PLEKHG4: variants seen among roughly 807,000 people sequenced by gnomAD.
The protein encoded by PLEKHG4 is pleckstrin homology and RhoGEF domain containing G4.
In PLEKHG4, 85 loss-of-function variants were observed where a neutral mutation model predicts 136.9. The observed-to-expected ratio is 0.62, with a 90% confidence interval of 0.52 to 0.74. PLEKHG4 has a LOEUF of 0.74. PLEKHG4 is among the 30% of genes least tolerant of loss of function. The pLI, the probability that PLEKHG4 is intolerant of heterozygous loss-of-function variation, is 0.00. For missense variants in PLEKHG4, 1,317 were observed against 1,527.8 expected (o/e 0.86, Z 2.30); for synonymous variants, 577 against 646.9 (o/e 0.89, Z 1.64).
rs2036391519 is a variant in PLEKHG4, at chr16:67,284,852, C to T, written c.1832C>T (p.Ala611Val). ...LPPAHFRKMW[A>V]LATGLGSEAI... ...CCTGCCCACTTCCGAAAGATGTGGGCTCTGGCCACGGGGCTGGGCTCAGAG... is the reference window on the plus strand; with the variant it reads ...CCTGCCCACTTCCGAAAGATGTGGGTTCTGGCCACGGGGCTGGGCTCAGAG... The change falls in exon 13 of 22, where the codon GCT becomes GTT. Residue 611 changes from alanine to valine, a missense_variant. Ala to Val is a moderately conservative substitution (Grantham distance 64). Transcript: ENST00000379344. The surrounding 1 kb of genome is among the most constrained non-coding windows in gnomAD (Gnocchi z 4.4). 1.9e-6 allele frequency: 3 copies of T among 1,613,018 alleles called. No individual in the cohort carries two copies. Among genetic ancestry groups the T allele is most frequent in the African/African-American group, 2.7e-5 (2 of 74,916 alleles).
Position 67,279,965 on chromosome 16 carries a change from C to T in PLEKHG4, c.-80C>T. On this transcript the variant is annotated 5_prime_UTR_variant, in exon 2 of 22. Transcript: ENST00000379344. Reference sequence around the variant, plus strand: ...CCTGCATTGCCCACTGAGTCCCACTCGACTGTCTTCAGCGCGGTTCACACT... The same window carrying T: ...CCTGCATTGCCCACTGAGTCCCACTTGACTGTCTTCAGCGCGGTTCACACT... 1.4e-6 allele frequency: 2 copies of T among 1,449,182 alleles called. No individual in the cohort carries two copies. Among genetic ancestry groups the T allele is most frequent in the Non-Finnish European group, 1.9e-6 (2 of 1,062,960 alleles). The allele number at this position is 1,449,182 out of a possible 1,614,324, so 89.8% of individuals were successfully genotyped here.
chr16:67,284,375 A>G lies in PLEKHG4; in HGVS notation c.1610A>G (p.Gln537Arg), dbSNP rs2036364579. 1 of 1,613,972 alleles carries G rather than the reference A, an allele frequency of 6.2e-7. No homozygotes were observed. Among genetic ancestry groups the G allele is most frequent in the South Asian group, 1.1e-5 (1 of 91,086 alleles). ...GCACGCTTTCTGGCCCTGCGAGCCC[A>G]GCTGACTGAATTCTCTAGGGCTTTG... ...PGARFLALRAQLTEFSRALAQ... is the reference protein window; with the variant it reads ...PGARFLALRARLTEFSRALAQ... Residue 537 changes from glutamine to arginine, a missense_variant, in exon 12 of 22, where the codon CAG (glutamine) becomes CGG (arginine). By Grantham distance (43) the Gln-to-Arg change is conservative (BLOSUM62 1). Transcript: ENST00000379344. This position sits in a 1 kb window ranked among gnomAD's most constrained non-coding sequence, Gnocchi z 4.4.
rs1404817255 is a variant in PLEKHG4 at position 67,282,775 on chromosome 16, G to A, written c.1426G>A (p.Ala476Thr). ...GTGGCTGCAGCAGGTGGGCTGGCCA[G>A]CACTGGAGGAGGCTGGGGAGCCCTC... ...EVWLQQVGWPALEEAGEPSLD... is the reference protein window; with the variant it reads ...EVWLQQVGWPTLEEAGEPSLD... Residue 476 changes from alanine to threonine, a missense_variant, in exon 11 of 22, where the codon GCA (alanine) becomes ACA (threonine). Transcript: ENST00000379344. The A allele has an allele frequency of 6.2e-7, 1 of 1,613,440 alleles. No homozygotes were observed. Among genetic ancestry groups the A allele is most frequent in the African/African-American group, 1.3e-5 (1 of 74,930 alleles).
Position 67,280,598 on chromosome 16 carries a change from A to G in PLEKHG4, c.499+55A>G, listed in dbSNP as rs2036166699. 3 of 1,612,762 alleles carry G rather than the reference A, an allele frequency of 1.9e-6. No homozygotes were observed. Among genetic ancestry groups the G allele is most frequent in the Non-Finnish European group, 2.5e-6 (3 of 1,179,416 alleles). On this transcript the variant is annotated intron_variant, in intron 2 of 21. Transcript: ENST00000379344. The surrounding 1 kb of genome is among the most constrained non-coding windows in gnomAD (Gnocchi z 4.4). ...GAAGGGAATGGGGATGCCTGGAGAG[A>G]TGAGTGTCAAGACTTTGGAGGTCTC...
rs1223062353 is a variant in PLEKHG4 at position 67,281,164 on chromosome 16, T to C, written c.793T>C (p.Ser265Pro). The change falls in exon 5 of 22, where the codon TCT becomes CCT. Residue 265 changes from serine (S) to proline (P), a missense_variant. Transcript: ENST00000379344. ...TTGTGCTCCAAGTTCTTCCCTCTTC[T>C]CTGGGCTCAGCCAACTACAAGTGAG... is the stretch of plus-strand genomic sequence containing the variant. ...RICAPSSSLF[S>P]GLSQLQEAAP... 1 of 1,613,304 alleles carries C rather than the reference T, an allele frequency of 6.2e-7. No homozygotes were observed.
intron 11 of PLEKHG4, 46 bp downstream of exon 11, chr16:67,282,904 C>A (rs1172144712): frequency 1.5e-6 from 2 of 1,330,002 alleles, no homozygotes; most frequent in Non-Finnish European, 2.2e-6. Flanking sequence ...GGATGCAATG[C>A]CAGGAACTAG....
In PLEKHG4 at chr16:67,284,226, G is replaced by T; in HGVS notation, c.1510-49G>T. 6.4e-7 allele frequency: 1 copy of T among 1,551,918 alleles called. No individual in the cohort carries two copies. Among genetic ancestry groups the T allele is most frequent in the Non-Finnish European group, 8.9e-7 (1 of 1,129,162 alleles). On this transcript the variant is annotated intron_variant, in intron 11 of 21. Transcript: ENST00000379344. The surrounding 1 kb of genome is among the most constrained non-coding windows in gnomAD (Gnocchi z 4.4). ...CAGCAGGAAGTATCTGAGTCTGGGG[G>T]CTAGACCGCCAGGCCTGGGCTGGCT... is the stretch of plus-strand genomic sequence containing the variant.
chr16:67,281,668 G>A lies in PLEKHG4; in HGVS notation c.891+24G>A, dbSNP rs376770123. ...AGGTACTAAGCCCAGTTGGCTAGGGGTAGAGGTGGGGTGCCTCCCCCCAGG... is the reference window on the plus strand; with the variant it reads ...AGGTACTAAGCCCAGTTGGCTAGGGATAGAGGTGGGGTGCCTCCCCCCAGG... On this transcript the variant is annotated intron_variant, in intron 6 of 21. Coordinates refer to ENST00000379344, the MANE Select transcript of PLEKHG4 (RefSeq NM_001129729.3). The A allele has an allele frequency of 4.3e-5, 69 of 1,613,318 alleles. No individual in the cohort carries two copies. The Admixed American group carries it at 4.3e-4, about 10-fold the overall frequency.
chr16:67,284,376 G>A lies in PLEKHG4; in HGVS notation c.1611G>A (p.Gln537=). ...CACGCTTTCTGGCCCTGCGAGCCCA[G>A]CTGACTGAATTCTCTAGGGCTTTGG... is the stretch of plus-strand genomic sequence containing the variant. ...PGARFLALRA[Q]LTEFSRALAQ... The change falls in exon 12 of 22, where the codon CAG becomes CAA. Residue 537 remains glutamine (Q), a synonymous_variant. Coordinates refer to ENST00000379344, the MANE Select transcript of PLEKHG4 (RefSeq NM_001129729.3). The surrounding 1 kb of genome is among the most constrained non-coding windows in gnomAD (Gnocchi z 4.4). The A allele has an allele frequency of 1.2e-6, 2 of 1,614,070 alleles. No individual in the cohort carries two copies. Among genetic ancestry groups the A allele is most frequent in the Non-Finnish European group, 1.7e-6 (2 of 1,179,996 alleles).
At position 67,284,526 on chromosome 16, in the gene PLEKHG4, G is replaced by C. The variant is rs983272667; in HGVS notation, c.1692+69G>C. 4 of 1,557,566 alleles carry C rather than the reference G, an allele frequency of 2.6e-6. No homozygotes were observed. The highest frequency in any genetic ancestry group is 3.5e-6 in the Non-Finnish European group (4 of 1,132,682). ...AGGGATGGCAGCCCCAGCTTCAGCA[G>C]AGCCTGAGCTTTTCTTGGTCATGCT... On this transcript the variant is annotated intron_variant, in intron 12 of 21. Transcript: ENST00000379344. The surrounding 1 kb of genome is among the most constrained non-coding windows in gnomAD (Gnocchi z 4.4).
In PLEKHG4 at chr16:67,286,629, A is replaced by G. The variant is rs374804199; in HGVS notation, c.2717A>G (p.Asn906Ser). 1.9e-6 allele frequency: 3 copies of G among 1,565,608 alleles called. No individual in the cohort carries two copies. The African/African-American group carries it at 4.1e-5, about 21-fold the overall frequency. Reference sequence around the variant, plus strand: ...GTGCACTTCCAGCTGCGGCACGGAAACGACCTGCTGGCCATGGACGCCATC... The same window carrying G: ...GTGCACTTCCAGCTGCGGCACGGAAGCGACCTGCTGGCCATGGACGCCATC... The part of the protein sequence containing the change: ...SLVHFQLRHG[N>S]DLLAMDAIQG... Residue 906 changes from asparagine to serine, a missense_variant, in exon 16 of 22, where the codon AAC becomes AGC. Physicochemically the swap from Asn to Ser is conservative, Grantham distance 46. Coordinates refer to ENST00000379344, the MANE Select transcript of PLEKHG4 (RefSeq NM_001129729.3).
At position 67,284,339 on chromosome 16, in the gene PLEKHG4, A is replaced by G. The variant is rs8044843; in HGVS notation, c.1574A>G (p.Asp525Gly). 220,694 of 1,613,146 alleles carry G rather than the reference A, an allele frequency of 0.14. 26,330 individuals carry two copies. The highest frequency in any genetic ancestry group is 0.64 in the African/African-American group (48,013 of 74,894). The change falls in exon 12 of 22, where the codon GAC becomes GGC. Residue 525 changes from aspartate to glycine, a missense_variant. Physicochemically the swap from Asp to Gly is moderately conservative, Grantham distance 94 (BLOSUM62 -1). Transcript: ENST00000379344. This position sits in a 1 kb window ranked among gnomAD's most constrained non-coding sequence, Gnocchi z 4.4. ...PLTGWEAAEL[D>G]PPGARFLALR... ...ACTGGCTGGGAGGCGGCTGAACTGG[A>G]CCCCCCTGGGGCACGCTTTCTGGCC...
At position 67,284,757 on chromosome 16, in the gene PLEKHG4, G is replaced by A; in HGVS notation, c.1737G>A (p.Leu579=). Residue 579 remains leucine (L), a synonymous_variant, in exon 13 of 22, where the codon CTG becomes CTA. Transcript: ENST00000379344. The surrounding 1 kb of genome is among the most constrained non-coding windows in gnomAD (Gnocchi z 4.4). The part of the protein sequence containing the change: ...AEEGQRVLAE[L]EQERPGVVLQ... Reference sequence around the variant, plus strand: ...AGGGGCAGCGAGTGTTGGCAGAGCTGGAGCAGGAACGCCCGGGGGTTGTGT... The same window carrying A: ...AGGGGCAGCGAGTGTTGGCAGAGCTAGAGCAGGAACGCCCGGGGGTTGTGT... 2 of 1,613,890 alleles carry A rather than the reference G, an allele frequency of 1.2e-6. No homozygotes were observed. The highest frequency in any genetic ancestry group is 1.7e-6 in the Non-Finnish European group (2 of 1,179,934).
intron 14 of PLEKHG4, 109 bp from the exon 15 acceptor site, chr16:67,286,165 A>C: frequency 2.5e-6 from 2 of 793,440 alleles, no homozygotes; most frequent in Non-Finnish European, 2.3e-6. Context: ...GGCCTCCCTA[A>C]GAGGCATCTA....
At chr16:67,286,693 G>A in intron 16 of PLEKHG4, 27 bp downstream of exon 16, 3 of 1,592,674 alleles carry the variant, frequency 1.9e-6, no homozygotes, top group Non-Finnish European at 1.7e-6. Context: ...CAAGGGCAGT[G>A]GGTGTGAAGA....
chr16:67,285,341 G>A lies in PLEKHG4; in HGVS notation c.2247G>A (p.Arg749=). 1.2e-6 allele frequency: 2 copies of A among 1,614,184 alleles called. No homozygotes were observed. Among genetic ancestry groups the A allele is most frequent in the Non-Finnish European group, 1.7e-6 (2 of 1,180,034 alleles). The change falls in exon 14 of 22, where the codon CGG becomes CGA. Residue 749 remains arginine (R), a synonymous_variant. Coordinates refer to ENST00000379344, the MANE Select transcript of PLEKHG4 (RefSeq NM_001129729.3). ...EMVATEREYV[R]ALEYTMENYF... is the part of the protein sequence containing the mutation. ...TGGCCACGGAGCGGGAGTATGTCCG[G>A]GCTCTAGAGTACACTATGGAGAACT... is the stretch of plus-strand genomic sequence containing the variant.
Position 67,288,539 on chromosome 16 carries a change from A to G in PLEKHG4, c.3505A>G (p.Ser1169Gly). The change falls in exon 21 of 22, where the codon AGT (serine) becomes GGT (glycine). Residue 1169 changes from serine (S) to glycine (G), a missense_variant. By Grantham distance (56) the Ser-to-Gly change is moderately conservative. Coordinates refer to ENST00000379344, the MANE Select transcript of PLEKHG4 (RefSeq NM_001129729.3). Reference sequence around the variant, plus strand: ...CCAATGCCCATCAGCCAGTGGCTCCAGTGGCTCTGACAGCAGCTGTGTGTC... The same window carrying G: ...CCAATGCCCATCAGCCAGTGGCTCCGGTGGCTCTGACAGCAGCTGTGTGTC... ...SSQCPSASGSSGSDSSCVSGQ... is the reference protein window; with the variant it reads ...SSQCPSASGSGGSDSSCVSGQ... 6.2e-7 allele frequency: 1 copy of G among 1,614,094 alleles called. No individual in the cohort carries two copies. Among genetic ancestry groups the G allele is most frequent in the Non-Finnish European group, 8.5e-7 (1 of 1,179,916 alleles).
rs141728585 is a variant in PLEKHG4 at position 67,284,973 on chromosome 16, G to T, written c.1953G>T (p.Pro651=). ...TTGAGGCTTCACTGAAGCTACCACC[G>T]GTGGGCAGCACAGCTAGCCTGTGTG... ...QKLEASLKLP[P]VGSTASLCVS... is the part of the protein sequence containing the mutation. The change falls in exon 13 of 22, where the codon CCG becomes CCT. Residue 651 remains proline (P), a synonymous_variant. Coordinates refer to ENST00000379344, the MANE Select transcript of PLEKHG4 (RefSeq NM_001129729.3). This position sits in a 1 kb window ranked among gnomAD's most constrained non-coding sequence, Gnocchi z 4.4. 6.2e-7 allele frequency: 1 copy of T among 1,613,206 alleles called. No homozygotes were observed. The highest frequency in any genetic ancestry group is 8.5e-7 in the Non-Finnish European group (1 of 1,179,944).
chr16:67,281,070 A>T (rs759343530), intron 4 of PLEKHG4, 21 bp from the exon 5 acceptor site: 18 of 1,613,864 alleles, frequency 1.1e-5, no homozygotes, highest in Non-Finnish European at 1.5e-5. Flanking sequence ...TCAGGTACTG[A>T]ACTGAAGCTC....
Sources: gnomAD v4.1 joint callset for allele counts on GRCh38, gnomAD v4.1.1 for gene constraint, Gnocchi (gnomAD v3.1) non-coding constraint, MANE v1.5 for transcripts, NCBI Gene and HGNC (gene_info 2026-07-23, HGNC 2026-07-21) for gene names.